Variants in EPN2 observed in about 807,000 individuals in gnomAD.
EPN2 encodes epsin-2.
EPN2 carries 34 observed loss-of-function variants against 61.7 expected under a neutral mutation model. The observed-to-expected ratio is 0.55, with a 90% CI of 0.42 to 0.73. EPN2 has a LOEUF of 0.73. EPN2 is among the 30% of genes least tolerant of loss of function. EPN2 has a pLI of 0.00. For missense variants in EPN2, 714 were observed against 839.2 expected (o/e 0.85, Z 1.84); for synonymous variants, 349 against 353.6 (o/e 0.99, Z 0.15).
intron 4 of EPN2, among the ~76,000 whole-genome samples, chr17:19,288,629 C>T (rs888295003): frequency 6.6e-6 from 1 of 152,078 alleles, no homozygotes; most frequent in African/African-American, 2.4e-5. Context: ...CGATGAGTGA[C>T]GGAGCATGGC....
intron 4 of EPN2, chr17:19,307,815 G>T (rs1384845083): frequency 1.3e-6 from 1 of 746,416 alleles, no homozygotes; most frequent in Non-Finnish European, 1.6e-6. Context: ...TGGTTCTTCT[G>T]TGGATCCCGT....
At chr17:19,317,175 C>A (rs1270678518) in intron 7 of EPN2, among the ~76,000 whole-genome samples, 1 of 152,180 alleles carries the variant, frequency 6.6e-6, no homozygotes, top group African/African-American at 2.4e-5. Context: ...GTAGTGAGCC[C>A]CATCATTACC....
chr17:19,262,987 T>C (rs779028924), intron 1 of EPN2, among the ~76,000 whole-genome samples: 5 of 152,264 alleles, frequency 3.3e-5, no homozygotes, highest in Non-Finnish European at 5.9e-5. Flanking sequence ...TGTTCATCAA[T>C]TGGACAAAGT....
At chr17:19,265,911 C>A (rs1411818702) in intron 1 of EPN2, among the ~76,000 whole-genome samples, 1 of 152,210 alleles carries the variant, frequency 6.6e-6, no homozygotes, top group Non-Finnish European at 1.5e-5. Context: ...TTCTACCCCA[C>A]CCACACTGAC....
chr17:19,264,958 G>A (rs918927351), intron 1 of EPN2, among the ~76,000 whole-genome samples: 1 of 152,026 alleles, frequency 6.6e-6, no homozygotes, highest in Non-Finnish European at 1.5e-5. Context: ...AGTCAGCTGG[G>A]CAGCAGGTGG....
chr17:19,272,195 C>T (rs911937462), intron 1 of EPN2, among the ~76,000 whole-genome samples: 4 of 152,178 alleles, frequency 2.6e-5, no homozygotes, highest in Non-Finnish European at 5.9e-5. Flanking sequence ...TCCCATCAGC[C>T]AGTGTTTTCT....
chr17:19,312,774 G>T, intron 6 of EPN2: 1 of 311,690 alleles, frequency 3.2e-6, no homozygotes, highest in Non-Finnish European at 6.0e-6. Flanking sequence ...GGCTGGCCCT[G>T]GATGGTGGCT....
Position 19,285,246 on chromosome 17 carries a change from A to T in EPN2, c.596-374A>T, listed in dbSNP as rs1208115200. On this transcript the variant is annotated intron_variant, in intron 3 of 10. Coordinates refer to ENST00000314728, the MANE Select transcript of EPN2 (RefSeq NM_014964.5). This position sits in a 1 kb window ranked among gnomAD's most constrained non-coding sequence, Gnocchi z 4.5. ...AGAAGCCAGAGGATGCTAAGCAAGG[A>T]GCTGAAACAGCTTCATGTTCCATGA... Among the ~76,000 whole-genome samples, 2 of 152,218 alleles carry T rather than the reference A, an allele frequency of 1.3e-5. No individual in the cohort carries two copies. The highest frequency in any genetic ancestry group is 4.8e-5 in the African/African-American group (2 of 41,460).
intron 1 of EPN2, among the ~76,000 whole-genome samples, chr17:19,238,269 C>T (rs57433322): frequency 6.6e-6 from 1 of 152,154 alleles, no homozygotes; most frequent in African/African-American, 2.4e-5. Flanking sequence ...GGGGTCTGGC[C>T]TCTTCCAGGA....
At chr17:19,266,441 C>A (rs1317013233) in intron 1 of EPN2, among the ~76,000 whole-genome samples, 1 of 149,720 alleles carries the variant, frequency 6.7e-6, no homozygotes, top group Non-Finnish European at 1.5e-5. Flanking sequence ...CTCGCTCTGT[C>A]GCCCAGGCTG....
At chr17:19,291,477 G>T (rs1962057) in intron 4 of EPN2, among the ~76,000 whole-genome samples, 4 of 112,520 alleles carry the variant, frequency 3.6e-5, no homozygotes. Flanking sequence ...TCGCTCTTTC[G>T]CCCAGGCTGG....
intron 1 of EPN2, among the ~76,000 whole-genome samples, chr17:19,241,058 G>A (rs192772453): frequency 1.2e-3 from 186 of 152,238 alleles, no homozygotes; most frequent in African/African-American, 4.2e-3. Context: ...GCTCGAGGTC[G>A]CGCAGCCAGT....
At chr17:19,318,960 G>A (rs1366829701) in intron 7 of EPN2, among the ~76,000 whole-genome samples, 1 of 152,100 alleles carries the variant, frequency 6.6e-6, no homozygotes, top group Non-Finnish European at 1.5e-5. Context: ...ACTTTAGGAG[G>A]CCAAGTTTGG....
rs1025348292 is a variant in EPN2 at position 19,336,497 on chromosome 17, C to G, written c.*2243C>G. 6.6e-6 allele frequency: 1 copy of G among 152,650 alleles called. No individual in the cohort carries two copies. The highest frequency in any genetic ancestry group is 3.2e-3 in the Middle Eastern group (1 of 316). 9.5% of individuals were successfully genotyped at this position (152,650 alleles called of 1,614,324 possible). ...CCCCATCTTCTGGCACAGGCCATCC[C>G]GAGTGCATGTCCCTGTTGCCCACTG... On this transcript the variant is annotated 3_prime_UTR_variant, in exon 11 of 11. Transcript: ENST00000314728.
At chr17:19,272,252 G>T (rs2045262249) in intron 1 of EPN2, among the ~76,000 whole-genome samples, 1 of 152,166 alleles carries the variant, frequency 6.6e-6, no homozygotes, top group Admixed American at 6.5e-5. Context: ...CTGCCTAAGG[G>T]TCACAGCGGC....
At chr17:19,272,328 C>G (rs1297951819) in intron 1 of EPN2, among the ~76,000 whole-genome samples, 1 of 152,118 alleles carries the variant, frequency 6.6e-6, no homozygotes, top group Non-Finnish European at 1.5e-5. Flanking sequence ...AAGGGAAGCC[C>G]TAGTTTTTTG....
At chr17:19,256,419 C>CG (rs1349553191) in intron 1 of EPN2, among the ~76,000 whole-genome samples, 920 of 67,966 alleles carry the variant, frequency 0.014, 8 homozygotes, top group South Asian at 0.031. Flanking sequence ...GACCCTGTCT[C>CG]AAAAAAAAAA....
chr17:19,265,707 G>T (rs990411420), intron 1 of EPN2, among the ~76,000 whole-genome samples: 4 of 152,076 alleles, frequency 2.6e-5, no homozygotes, highest in Non-Finnish European at 5.9e-5. Flanking sequence ...TGGCCACAGT[G>T]CCCCTCCTGT....
At chr17:19,279,475 G>T (rs1450072687) in intron 1 of EPN2, among the ~76,000 whole-genome samples, 5 of 151,108 alleles carry the variant, frequency 3.3e-5, no homozygotes, top group Admixed American at 6.6e-5. Flanking sequence ...GTCTCACTGT[G>T]TCACCCAGGC....
Sources: allele counts gnomAD v4.1 joint callset (sites outside exome capture counted in the v4.1 genomes callset), GRCh38; gene constraint gnomAD v4.1.1; non-coding constraint Gnocchi (gnomAD v3.1); transcripts MANE v1.5; gene names NCBI Gene and HGNC (gene_info 2026-07-23, HGNC 2026-07-21).